APMAP: variants seen among roughly 807,000 people sequenced by gnomAD.
APMAP encodes adipocyte plasma membrane-associated protein.
Under a neutral mutation model 43.6 loss-of-function variants are expected in APMAP, and 33 were observed. The observed-to-expected ratio is 0.76, with a 90% CI of 0.57 to 1.01. The LOEUF (loss-of-function observed/expected upper bound fraction) is 1.01. Among genes scored for constraint, APMAP ranks in the 50% least tolerant of loss-of-function variants. The probability of loss-of-function intolerance (pLI) is 0.00; values close to 1 mark genes in which losing one functional copy is unlikely to be tolerated. For synonymous variants in APMAP, 224 were observed against 216.7 expected (o/e 1.03, Z -0.30); for missense variants, 498 against 540.7 (o/e 0.92, Z 0.78).
At chr20:24,980,034 T>C (rs901875508) in intron 2 of APMAP, among the ~76,000 whole-genome samples, 3 of 152,180 alleles carry the variant, frequency 2.0e-5, no homozygotes, top group African/African-American at 7.2e-5. Context: ...CACACCAGCT[T>C]CTCATGCACT....
chr20:24,969,521 C>A lies in APMAP; in HGVS notation c.848+5G>T. Reference sequence around the variant, plus strand: ...AACTGATGGCTCAGCTAATCCCACACACACCTTCGTATCCTGGCCATGGTT... The same window carrying A: ...AACTGATGGCTCAGCTAATCCCACAAACACCTTCGTATCCTGGCCATGGTT... On this transcript the variant is annotated splice_donor_5th_base_variant and intron_variant, in intron 7 of 8. Transcript: ENST00000217456. 1 of 1,606,354 alleles carries A rather than the reference C, an allele frequency of 6.2e-7. No individual in the cohort carries two copies. The highest frequency in any genetic ancestry group is 8.5e-7 in the Non-Finnish European group (1 of 1,174,056).
At chr20:24,976,369 A>C (rs1455573531) in intron 3 of APMAP, among the ~76,000 whole-genome samples, 2 of 152,214 alleles carry the variant, frequency 1.3e-5, no homozygotes, top group African/African-American at 2.4e-5. Flanking sequence ...CAACCCAATT[A>C]CAAAAATGGG....
At chr20:24,970,769 C>G (rs1047583976) in intron 5 of APMAP, among the ~76,000 whole-genome samples, 2 of 152,216 alleles carry the variant, frequency 1.3e-5, no homozygotes, top group Non-Finnish European at 2.9e-5. Flanking sequence ...GGATTGAGTG[C>G]TAAGCACTCT....
chr20:24,971,678 T>C lies in APMAP; in HGVS notation c.422-102A>G, dbSNP rs925065053. On this transcript the variant is annotated intron_variant, in intron 4 of 8. Coordinates refer to ENST00000217456, the MANE Select transcript of APMAP (RefSeq NM_020531.3). ...ATCCATCCCTTCCCATACATCATGC[T>C]GTACAGAACAAGACAAGACCATGGC... is the stretch of plus-strand genomic sequence containing the variant. 1.0e-5 allele frequency: 10 copies of C among 964,740 alleles called. No homozygotes were observed. The South Asian group carries it at 1.2e-4, about 12-fold the overall frequency. 59.8% of individuals were successfully genotyped at this position (964,740 alleles called of 1,614,324 possible).
intron 1 of APMAP, among the ~76,000 whole-genome samples, chr20:24,987,487 T>C (rs774164272): frequency 1.3e-5 from 2 of 152,206 alleles, no homozygotes; most frequent in Non-Finnish European, 2.9e-5. Context: ...ACTTAATCAG[T>C]ACAAGGTAAA....
chr20:24,989,666 T>C (rs900222463), intron 1 of APMAP, among the ~76,000 whole-genome samples: 2 of 151,248 alleles, frequency 1.3e-5, no homozygotes, highest in Admixed American at 6.5e-5. Context: ...GCATCTTGAA[T>C]TTGTTCATTT....
intron 3 of APMAP, among the ~76,000 whole-genome samples, chr20:24,975,050 TA>T (rs1420616972): frequency 6.6e-6 from 1 of 152,094 alleles, no homozygotes; most frequent in Admixed American, 6.5e-5. Context: ...AGAATATCTA[TA>T]AAAAAATCTA....
chr20:24,976,568 G>C lies in APMAP; in HGVS notation c.328+2199C>G, dbSNP rs374280885. Among the ~76,000 whole-genome samples, 22 of 152,326 alleles carry C rather than the reference G, an allele frequency of 1.4e-4. No individual in the cohort carries two copies. The South Asian group carries it at 4.1e-3, about 29-fold the overall frequency. On this transcript the variant is annotated intron_variant, in intron 3 of 8. Coordinates refer to ENST00000217456, the MANE Select transcript of APMAP (RefSeq NM_020531.3). ...ATGCTGGCGAGGACATGGAGCATCA[G>C]GAACTCTCACTAATTGTTAATGGGA...
rs779040142 is a variant in APMAP, at chr20:24,968,877, A to G, written c.1041+15T>C. On this transcript the variant is annotated intron_variant, in intron 8 of 8. Coordinates refer to ENST00000217456, the MANE Select transcript of APMAP (RefSeq NM_020531.3). ...TTTCCATTTTCTTTCTTGGAATAACAGTTTTCACAGTTACCTTAAAAATCA... is the reference window on the plus strand; with the variant it reads ...TTTCCATTTTCTTTCTTGGAATAACGGTTTTCACAGTTACCTTAAAAATCA... 2.6e-6 allele frequency: 4 copies of G among 1,563,582 alleles called. No individual in the cohort carries two copies. Among genetic ancestry groups the G allele is most frequent in the Non-Finnish European group, 3.5e-6 (4 of 1,152,106 alleles).
intron 3 of APMAP, 58 bp downstream of exon 3, chr20:24,978,709 G>GCC (rs1330507217): frequency 3.5e-6 from 4 of 1,149,044 alleles, no homozygotes; most frequent in Middle Eastern, 3.2e-4. Flanking sequence ...CACAGAACCC[G>GCC]CCCCCTCAGA....
intron 3 of APMAP, among the ~76,000 whole-genome samples, chr20:24,973,963 A>T (rs1431894847): frequency 6.6e-6 from 1 of 152,214 alleles, no homozygotes; most frequent in East Asian, 1.9e-4. Context: ...CATGAACCTG[A>T]CTCAAAAGCA....
chr20:24,977,692 A>G (rs1243420725), intron 3 of APMAP, among the ~76,000 whole-genome samples: 2 of 152,258 alleles, frequency 1.3e-5, no homozygotes, highest in East Asian at 3.8e-4. Flanking sequence ...AAGACAGGAA[A>G]GTGCTCTCTT....
rs1287087351 is a variant in APMAP at position 24,963,318 on chromosome 20, C to A, written c.*495G>T. 1.9e-5 allele frequency: 3 copies of A among 161,218 alleles called. No homozygotes were observed. The South Asian group carries it at 5.0e-4, about 27-fold the overall frequency. 10.0% of individuals were successfully genotyped at this position (161,218 alleles called of 1,614,324 possible). On this transcript the variant is annotated 3_prime_UTR_variant, in exon 9 of 9. Coordinates refer to ENST00000217456, the MANE Select transcript of APMAP (RefSeq NM_020531.3). ...ATGTCTTGGCTAACACGGCTCTCAC[C>A]GCTGGCCTCAACACCCCTGGGCCAT...
chr20:24,986,104 C>T (rs371898734), intron 1 of APMAP, among the ~76,000 whole-genome samples: 1 of 152,236 alleles, frequency 6.6e-6, no homozygotes, highest in African/African-American at 2.4e-5. Context: ...TCCTCCAGAG[C>T]AGGACAGGCC....
chr20:24,991,544 C>T (rs183024543), intron 1 of APMAP, among the ~76,000 whole-genome samples: 147 of 152,294 alleles, frequency 9.7e-4, no homozygotes, highest in African/African-American at 3.2e-3. Flanking sequence ...CCTGCCATCG[C>T]TCTCCTTCAA....
intron 8 of APMAP, among the ~76,000 whole-genome samples, chr20:24,965,113 C>A (rs1289297114): frequency 1.3e-5 from 2 of 152,230 alleles, no homozygotes; most frequent in African/African-American, 4.8e-5. Flanking sequence ...TGTCTGGGAC[C>A]CATGTCTGCC....
intron 8 of APMAP, chr20:24,964,306 TGA>T (rs1041093353): frequency 1.7e-6 from 1 of 602,804 alleles, no homozygotes; most frequent in Non-Finnish European, 3.2e-6. Context: ...CTGGCTGAAC[TGA>T]GAGAGACATA....
intron 8 of APMAP, chr20:24,964,358 G>C (rs776510940): frequency 2.7e-5 from 14 of 520,938 alleles, no homozygotes; most frequent in African/African-American, 2.3e-4. Context: ...CCAAGGCTCA[G>C]AATGACCTCC....
At chr20:24,967,809 C>G (rs1368952861) in intron 8 of APMAP, among the ~76,000 whole-genome samples, 1 of 152,212 alleles carries the variant, frequency 6.6e-6, no homozygotes, top group African/African-American at 2.4e-5. Flanking sequence ...TTGCCTCCCC[C>G]TAGGTCCCAG....
Sources: gnomAD v4.1 joint callset for allele counts (sites outside exome capture counted in the v4.1 genomes callset) on GRCh38, gnomAD v4.1.1 for gene constraint, MANE v1.5 for transcripts, NCBI Gene and HGNC (gene_info 2026-07-23, HGNC 2026-07-21) for gene names.